The following LSM12 variants were observed in gnomAD, a reference collection of about 807,000 sequenced individuals.
The protein encoded by LSM12 is LSM12 homolog.
For missense variants in LSM12, 108 were observed against 238.9 expected (o/e 0.45, Z 3.61); for synonymous variants, 74 against 87.3 (o/e 0.85, Z 0.85).
At chr17:44,048,450 C>T (rs386017) in intron 2 of LSM12, among the ~76,000 whole-genome samples, 1 of 146,694 alleles carries the variant, frequency 6.8e-6, no homozygotes, top group African/African-American at 2.5e-5. Flanking sequence ...CCACTGCACT[C>T]TAGCCTGGGT....
chr17:44,039,977 G>A (rs1040726845), intron 3 of LSM12, among the ~76,000 whole-genome samples, 170 bp downstream of exon 3: 1 of 152,200 alleles, frequency 6.6e-6, no homozygotes. Context: ...ATTCTTCTGT[G>A]TGGAAAGGGG....
chr17:44,043,432 TG>T (rs1293899731), intron 2 of LSM12, among the ~76,000 whole-genome samples: 1 of 152,118 alleles, frequency 6.6e-6, no homozygotes, highest in Non-Finnish European at 1.5e-5. Context: ...CAATCCCAAC[TG>T]TAACAAGAAA....
intron 2 of LSM12, among the ~76,000 whole-genome samples, chr17:44,056,250 G>A (rs914778401): frequency 1.2e-4 from 18 of 150,416 alleles, no homozygotes; most frequent in African/African-American, 4.2e-4. Context: ...AGCCGAGATC[G>A]CGCCATTGCA....
intron 2 of LSM12, among the ~76,000 whole-genome samples, chr17:44,057,147 CTTTT>C (rs1040317013): frequency 6.8e-6 from 1 of 147,832 alleles, no homozygotes; most frequent in African/African-American, 2.5e-5. Context: ...CAGAGTAAGA[CTTTT>C]TTTTTCTTTT....
intron 1 of LSM12, 132 bp from the exon 2 acceptor site, chr17:44,064,066 A>T: frequency 1.1e-6 from 1 of 951,948 alleles, no homozygotes; most frequent in Non-Finnish European, 1.5e-6. Flanking sequence ...GCCTTATAAG[A>T]ATCACGGTTC....
At chr17:44,063,459 T>G (rs2049826103) in intron 2 of LSM12, among the ~76,000 whole-genome samples, 1 of 151,490 alleles carries the variant, frequency 6.6e-6, no homozygotes, top group South Asian at 2.1e-4. Context: ...TATGCACACA[T>G]CCACATATAC....
intron 2 of LSM12, among the ~76,000 whole-genome samples, chr17:44,043,265 C>G (rs1019743021): frequency 3.3e-5 from 5 of 152,172 alleles, no homozygotes; most frequent in African/African-American, 1.2e-4. Flanking sequence ...GATCTGAAGC[C>G]AGAGCTCCTT....
At chr17:44,037,771 C>A (rs1327972439) in intron 3 of LSM12, among the ~76,000 whole-genome samples, 2 of 152,174 alleles carry the variant, frequency 1.3e-5, no homozygotes, top group African/African-American at 4.8e-5. Flanking sequence ...GAAATTGTTA[C>A]TCTGAAGCAT....
At chr17:44,039,365 CTTTTTTTTTTTT>C (rs35411238) in intron 3 of LSM12, among the ~76,000 whole-genome samples, 5 of 51,086 alleles carry the variant, frequency 9.8e-5, no homozygotes, top group Non-Finnish European at 1.4e-4. Context: ...AACAAAATGT[CTTTTTTTTTTTT>C]TTTTTTTTTT....
chr17:44,066,443 G>A lies in LSM12; in HGVS notation c.124+21C>T, dbSNP rs1466743222. 3.2e-6 allele frequency: 5 copies of A among 1,552,416 alleles called. No individual in the cohort carries two copies. The Admixed American group carries it at 9.6e-5, about 30-fold the overall frequency. On this transcript the variant is annotated intron_variant, in intron 1 of 4. Transcript: ENST00000293406. ...CACCTACACGCCGGCCCGGACTCGG[G>A]CTTCACGCAGGGAAGGATACTTAAA...
chr17:44,038,660 A>G (rs1256529540), intron 3 of LSM12, among the ~76,000 whole-genome samples: 3 of 152,102 alleles, frequency 2.0e-5, no homozygotes, highest in Non-Finnish European at 2.9e-5. Context: ...ACTCAAAAAA[A>G]AGAGAGAGAG....
chr17:44,037,574 T>C (rs1233507875), intron 3 of LSM12, 36 bp from the exon 4 acceptor site: 2 of 1,571,160 alleles, frequency 1.3e-6, no homozygotes, highest in Non-Finnish European at 1.7e-6. Context: ...ATGTAACCTC[T>C]TGGGGGCATC....
chr17:44,054,801 C>CA (rs1181365060), intron 2 of LSM12, among the ~76,000 whole-genome samples: 8 of 151,896 alleles, frequency 5.3e-5, no homozygotes, highest in Non-Finnish European at 5.9e-5. Context: ...CATGGACTCT[C>CA]ACCAGGGACT....
intron 2 of LSM12, among the ~76,000 whole-genome samples, chr17:44,059,869 C>T (rs1470039138): frequency 6.6e-6 from 1 of 152,054 alleles, no homozygotes; most frequent in Non-Finnish European, 1.5e-5. Context: ...ATACCTTTGA[C>T]TAAAGTTAGA....
At chr17:44,048,454 C>A (rs955374907) in intron 2 of LSM12, among the ~76,000 whole-genome samples, 2 of 149,712 alleles carry the variant, frequency 1.3e-5, no homozygotes, top group Non-Finnish European at 3.0e-5. Flanking sequence ...TGCACTCTAG[C>A]CTGGGTGACA....
intron 2 of LSM12, among the ~76,000 whole-genome samples, chr17:44,053,724 G>A (rs140845485): frequency 0.017 from 2,537 of 152,214 alleles, 32 homozygotes; most frequent in Non-Finnish European, 0.027. Context: ...TTACTCCACA[G>A]TACTTTTAGC....
Position 44,040,416 on chromosome 17 carries a change from A to G in LSM12, c.259-160T>C. On this transcript the variant is annotated intron_variant, in intron 2 of 4. Transcript: ENST00000293406. ...GAAACAAATTTTAAAAATCCACGAC[A>G]TACCTGAACAGTTACTGGTATTCCA... The G allele has an allele frequency of 7.0e-6, 4 of 572,418 alleles. No individual in the cohort carries two copies. In the Admixed American group the frequency reaches 8.7e-5, roughly 12 times the overall value. 35.5% of individuals were successfully genotyped at this position (572,418 alleles called of 1,614,324 possible). A position where few individuals can be genotyped will look rare whatever the true frequency, so the allele number is the denominator to read the frequency against.
chr17:44,048,873 C>G lies in LSM12; in HGVS notation c.259-8617G>C, dbSNP rs539003159. Among the ~76,000 whole-genome samples the G allele has an allele frequency of 1.8e-4, 27 of 152,144 alleles. No individual in the cohort carries two copies. The South Asian group carries it at 4.6e-3, about 26-fold the overall frequency. On this transcript the variant is annotated intron_variant, in intron 2 of 4. Coordinates refer to ENST00000293406, the MANE Select transcript of LSM12 (RefSeq NM_001371445.1). Reference sequence around the variant, plus strand: ...GGCAAAGGAGAAAAGTATATGCATTCGATATCAAAGCACATCAATATTAAA... The same window carrying G: ...GGCAAAGGAGAAAAGTATATGCATTGGATATCAAAGCACATCAATATTAAA...
At chr17:44,059,045 A>C (rs1201753765) in intron 2 of LSM12, among the ~76,000 whole-genome samples, 1 of 152,158 alleles carries the variant, frequency 6.6e-6, no homozygotes, top group Non-Finnish European at 1.5e-5. Context: ...GGGAGATTGT[A>C]GTCCCAGCTA....
Sources: allele counts gnomAD v4.1 joint callset (sites outside exome capture counted in the v4.1 genomes callset), GRCh38; gene constraint gnomAD v4.1.1; transcripts MANE v1.5; gene names NCBI Gene and HGNC (gene_info 2026-07-23, HGNC 2026-07-21).